Variants in MARK1 observed in about 807,000 individuals in gnomAD.
MARK1 encodes the protein microtubule affinity regulating kinase 1.
A neutral mutation model predicts 96.3 loss-of-function variants in MARK1; 40 were observed. The ratio of observed to expected loss-of-function variants is 0.42; its 90% CI spans 0.32 to 0.54. The LOEUF is 0.54. MARK1 is among the 20% of genes least tolerant of loss of function. The pLI is 0.16. For missense variants in MARK1, 719 were observed against 984.6 expected (o/e 0.73, Z 3.61); for synonymous variants, 317 against 341.2 (o/e 0.93, Z 0.78).
intron 7 of MARK1, among the ~76,000 whole-genome samples, chr1:220,617,165 A>G (rs894926867): frequency 6.6e-6 from 1 of 152,212 alleles, no homozygotes; most frequent in African/African-American, 2.4e-5. Flanking sequence ...AAATGTGACA[A>G]TCTAATATAA....
At chr1:220,594,547 C>T (rs981362228) in intron 3 of MARK1, among the ~76,000 whole-genome samples, 5 of 152,294 alleles carry the variant, frequency 3.3e-5, no homozygotes, top group Admixed American at 6.5e-5. Flanking sequence ...TGAAAACTTA[C>T]GTCCACACAG....
chr1:220,529,321 C>T (rs1483025182), intron 1 of MARK1, among the ~76,000 whole-genome samples: 1 of 152,192 alleles, frequency 6.6e-6, no homozygotes, highest in Non-Finnish European at 1.5e-5. Context: ...CCCTCCTCCC[C>T]CCGCATTGCC....
rs1666873037 is a variant in MARK1, at chr1:220,618,390, C to T, written c.633C>T (p.Asn211=). 1 of 1,613,896 alleles carries T rather than the reference C, an allele frequency of 6.2e-7. No homozygotes were observed. The highest frequency in any genetic ancestry group is 1.1e-5 in the South Asian group (1 of 91,072). ...TTAGTAATGAATTTACAGTTGGGAA[C>T]AAATTGGACACATTTTGTGGAAGCC... ...FGFSNEFTVG[N]KLDTFCGSPP... Residue 211 remains asparagine, a synonymous_variant, in exon 8 of 18, where the codon AAC becomes AAT. Coordinates refer to ENST00000366917, the MANE Select transcript of MARK1 (RefSeq NM_018650.5). The surrounding 1 kb of genome is among the most constrained non-coding windows in gnomAD (Gnocchi z 4.6).
At chr1:220,574,557 CA>C (rs1251365898) in intron 1 of MARK1, among the ~76,000 whole-genome samples, 1 of 152,126 alleles carries the variant, frequency 6.6e-6, no homozygotes, top group Non-Finnish European at 1.5e-5. Flanking sequence ...AGTTTGCCCC[CA>C]GCTCGAAACT....
chr1:220,661,804 T>G lies in MARK1; in HGVS notation c.2034-8T>G. ...CTTTCATTCTTTCCCTTTGCCCTCT[T>G]GTTCCAGAAGTACATCAGGGGAACC... On this transcript the variant is annotated splice_region_variant and splice_polypyrimidine_tract_variant and intron_variant, in intron 17 of 17. Transcript: ENST00000366917. 6.3e-7 allele frequency: 1 copy of G among 1,586,038 alleles called. No homozygotes were observed.
intron 13 of MARK1, among the ~76,000 whole-genome samples, chr1:220,638,375 C>T (rs1668087987): frequency 1.3e-5 from 2 of 152,188 alleles, no homozygotes; most frequent in South Asian, 4.1e-4. Flanking sequence ...TAGATCATTT[C>T]AAGTCTTGTC....
chr1:220,536,936 C>G (rs569001991), intron 1 of MARK1, among the ~76,000 whole-genome samples: 1 of 152,032 alleles, frequency 6.6e-6, no homozygotes, highest in African/African-American at 2.4e-5. Context: ...TGTAAATAAC[C>G]TTGATGAGTA....
At chr1:220,651,277 G>A (rs771682283) in intron 14 of MARK1, among the ~76,000 whole-genome samples, 4 of 152,076 alleles carry the variant, frequency 2.6e-5, no homozygotes, top group Non-Finnish European at 5.9e-5. Context: ...CAAAGACATG[G>A]AGCCTATTCT....
At chr1:220,537,465 A>G (rs1057248669) in intron 1 of MARK1, among the ~76,000 whole-genome samples, 16 of 150,744 alleles carry the variant, frequency 1.1e-4, no homozygotes, top group Non-Finnish European at 2.2e-4. Flanking sequence ...TATGTGCCAC[A>G]TTTTCTTACT....
intron 15 of MARK1, 87 bp downstream of exon 15, chr1:220,652,237 A>C: frequency 1.9e-6 from 2 of 1,027,486 alleles, no homozygotes; most frequent in Non-Finnish European, 2.7e-6. Context: ...TCACCATCAC[A>C]TTAAGACCTT....
intron 13 of MARK1, among the ~76,000 whole-genome samples, chr1:220,649,798 G>C (rs998482716): frequency 6.6e-6 from 1 of 152,074 alleles, no homozygotes; most frequent in African/African-American, 2.4e-5. Flanking sequence ...TTTAAATGCT[G>C]GGTTAGTCAA....
In MARK1 at chr1:220,631,026, A is replaced by T. The variant is rs1667652550; in HGVS notation, c.910-9A>T. On this transcript the variant is annotated splice_polypyrimidine_tract_variant and intron_variant, in intron 9 of 17. Coordinates refer to ENST00000366917, the MANE Select transcript of MARK1 (RefSeq NM_018650.5). ...ATTGACCACACATAATGTAGAGTTT[A>T]TTTCCTAGCAAATAATGAAAGATCG... The T allele has an allele frequency of 1.9e-6, 3 of 1,587,654 alleles. No homozygotes were observed. The highest frequency in any genetic ancestry group is 2.6e-6 in the Non-Finnish European group (3 of 1,156,780).
chr1:220,553,951 C>T (rs1379505934), intron 1 of MARK1, among the ~76,000 whole-genome samples: 2 of 152,138 alleles, frequency 1.3e-5, no homozygotes, highest in South Asian at 2.1e-4. Context: ...GATGTTCTGG[C>T]GTCCATTCAA....
chr1:220,616,082 TG>T, intron 7 of MARK1, 87 bp downstream of exon 7: 1 of 632,684 alleles, frequency 1.6e-6, no homozygotes, highest in South Asian at 2.2e-5. Context: ...TCTATTTTAT[TG>T]CCTAACTGTG....
At chr1:220,653,037 T>G (rs1376598665) in intron 15 of MARK1, 64 bp from the exon 16 acceptor site, 10 of 1,579,000 alleles carry the variant, frequency 6.3e-6, no homozygotes. Flanking sequence ...TTTCAAGTTT[T>G]TAGCTTGAGT....
At chr1:220,537,384 C>T (rs1297174487) in intron 1 of MARK1, among the ~76,000 whole-genome samples, 3 of 151,620 alleles carry the variant, frequency 2.0e-5, no homozygotes, top group African/African-American at 7.3e-5. Context: ...TGATGATTTC[C>T]AGTTCATCCA....
intron 1 of MARK1, among the ~76,000 whole-genome samples, chr1:220,575,728 T>C (rs1271218399): frequency 1.3e-5 from 2 of 152,026 alleles, no homozygotes; most frequent in African/African-American, 2.4e-5. Context: ...GTATAAATGA[T>C]CATGTTTAAT....
intron 3 of MARK1, among the ~76,000 whole-genome samples, chr1:220,592,615 G>A (rs998128737): frequency 6.6e-6 from 1 of 152,174 alleles, no homozygotes; most frequent in Non-Finnish European, 1.5e-5. Flanking sequence ...ACTGCAAAGC[G>A]ACAAATGTAT....
intron 1 of MARK1, among the ~76,000 whole-genome samples, chr1:220,531,632 A>G (rs1572029697): frequency 6.6e-6 from 1 of 152,178 alleles, no homozygotes. Context: ...CTTATATACT[A>G]CTGCTATATA....
Sources: allele counts gnomAD v4.1 joint callset (sites outside exome capture counted in the v4.1 genomes callset), GRCh38; gene constraint gnomAD v4.1.1; non-coding constraint Gnocchi (gnomAD v3.1); transcripts MANE v1.5; gene names NCBI Gene and HGNC (gene_info 2026-07-23, HGNC 2026-07-21).